CNGB3: variants seen among roughly 807,000 people sequenced by gnomAD.
CNGB3 encodes cyclic nucleotide-gated channel beta-3.
In CNGB3, 86 loss-of-function variants were observed where a neutral mutation model predicts 92.8. The ratio of observed to expected loss-of-function variants is 0.93; its 90% CI spans 0.78 to 1.11. The LOEUF (loss-of-function observed/expected upper bound fraction) is 1.11, where lower values mean the gene tolerates loss of function less well. CNGB3 is among the 50% of genes least tolerant of loss of function. The pLI is 0.00. For synonymous variants in CNGB3, 333 were observed against 332.7 expected, an observed-to-expected ratio of 1.00 and a Z score of -0.01; for missense variants, 1,026 against 956.8, an observed-to-expected ratio of 1.07 and a Z score of -0.95.
chr8:86,660,137 G>A (rs1476483165), intron 6 of CNGB3: 5 of 305,132 alleles, frequency 1.6e-5, no homozygotes, highest in Non-Finnish European at 3.4e-5. Flanking sequence ...CAGGTGAATG[G>A]CAACCACCAG....
At chr8:86,579,480 G>A (rs1821720741) in intron 15 of CNGB3, among the ~76,000 whole-genome samples, 2 of 152,102 alleles carry the variant, frequency 1.3e-5, no homozygotes, top group Admixed American at 1.3e-4. Flanking sequence ...ACAAATCAAG[G>A]ACTTGTGGCT....
rs147971392 is a variant in CNGB3, at chr8:86,726,816, A to G, written c.212-159T>C. Among the ~76,000 whole-genome samples the G allele has an allele frequency of 4.7e-3, 713 of 152,350 alleles. 7 individuals carry two copies. Among genetic ancestry groups the G allele is most frequent in the African/African-American group, 0.016 (676 of 41,574 alleles). On this transcript the variant is annotated intron_variant, in intron 2 of 17. Transcript: ENST00000320005. Reference sequence around the variant, plus strand: ...TGCTAAACAAAGTAGGACTTTATGCAGGAAGAATTAACTGGTAGACACCTT... The same window carrying G: ...TGCTAAACAAAGTAGGACTTTATGCGGGAAGAATTAACTGGTAGACACCTT...
chr8:86,657,376 G>A (rs975687570), intron 6 of CNGB3: 8 of 452,744 alleles, frequency 1.8e-5, no homozygotes, highest in Admixed American at 1.2e-4. Context: ...GACAGTGGCC[G>A]GCTTTTAGAT....
At chr8:86,616,695 A>G (rs12678442) in intron 13 of CNGB3, among the ~76,000 whole-genome samples, 31,002 of 152,016 alleles carry the variant, frequency 0.2, 3,491 homozygotes, top group East Asian at 0.33. Context: ...CATAATATTT[A>G]TACTATGTTT....
chr8:86,610,288 C>G (rs202106233), intron 14 of CNGB3, among the ~76,000 whole-genome samples: 3 of 152,136 alleles, frequency 2.0e-5, no homozygotes, highest in East Asian at 3.9e-4. Flanking sequence ...TCCACTGTTT[C>G]TGGCTCATCA....
In CNGB3 at chr8:86,579,274, CTT is replaced by C. The variant is rs769619789; in HGVS notation, c.1782-24_1782-23del. On this transcript the variant is annotated intron_variant, in intron 15 of 17. Coordinates refer to ENST00000320005, the MANE Select transcript of CNGB3 (RefSeq NM_019098.5). ...AAGGCTGTAAGAGAGAAAAATGAGT[CTT>C]TGCCACCAGTTTCAGTTTTCCTCCA... is the stretch of plus-strand genomic sequence containing the variant. 7 of 1,613,040 alleles carry C rather than the reference CTT, an allele frequency of 4.3e-6. No homozygotes were observed. In the African/African-American group the frequency reaches 9.3e-5, roughly 22 times the overall value.
intron 9 of CNGB3, among the ~76,000 whole-genome samples, chr8:86,644,344 T>A (rs141545368): frequency 1.2e-3 from 185 of 151,540 alleles, no homozygotes; most frequent in African/African-American, 4.3e-3. Context: ...TAAAGTTAAC[T>A]TGCAAAAGAG....
intron 6 of CNGB3, chr8:86,658,409 C>T (rs1475933080): frequency 7.0e-6 from 3 of 426,198 alleles, no homozygotes; most frequent in Admixed American, 3.0e-5. Flanking sequence ...GTGGCTGCTA[C>T]TTCTGCTGGC....
At chr8:86,589,398 T>A (rs1267215119) in intron 15 of CNGB3, among the ~76,000 whole-genome samples, 2 of 150,640 alleles carry the variant, frequency 1.3e-5, no homozygotes, top group African/African-American at 4.9e-5. Context: ...ATGTGTTTGC[T>A]CTTGCTTCTC....
intron 3 of CNGB3, among the ~76,000 whole-genome samples, chr8:86,723,539 A>AC (rs1193115395): frequency 1.3e-5 from 2 of 152,122 alleles, no homozygotes; most frequent in African/African-American, 4.8e-5. Flanking sequence ...ATGTATAAAA[A>AC]CTCTGTCCCT....
intron 6 of CNGB3, chr8:86,657,368 C>T (rs984631314): frequency 2.2e-6 from 1 of 449,156 alleles, no homozygotes; most frequent in Non-Finnish European, 4.5e-6. Context: ...GCTTTGCTGA[C>T]AGTGGCCGGC....
At chr8:86,742,454 C>G (rs976887409) in intron 1 of CNGB3, among the ~76,000 whole-genome samples, 2 of 152,140 alleles carry the variant, frequency 1.3e-5, no homozygotes, top group African/African-American at 4.8e-5. Flanking sequence ...AAAAGGAAGG[C>G]AGATTTTCCA....
At chr8:86,600,202 T>A (rs1822262178) in intron 15 of CNGB3, among the ~76,000 whole-genome samples, 1 of 152,220 alleles carries the variant, frequency 6.6e-6, no homozygotes, top group South Asian at 2.1e-4. Flanking sequence ...AAGGATGCAC[T>A]GGTCCTTGTG....
chr8:86,579,371 G>A (rs1821719098), intron 15 of CNGB3, 119 bp from the exon 16 acceptor site: 1 of 1,185,470 alleles, frequency 8.4e-7, no homozygotes, highest in Non-Finnish European at 1.2e-6. Context: ...TTCCCTAGAG[G>A]TGAGGGTCCA....
intron 7 of CNGB3, among the ~76,000 whole-genome samples, chr8:86,649,276 A>G (rs556737925): frequency 4.4e-4 from 67 of 151,778 alleles, no homozygotes; most frequent in African/African-American, 1.6e-3. Flanking sequence ...TGCAATTCCC[A>G]TCAAAATACC....
chr8:86,742,267 A>G (rs1050476792), intron 1 of CNGB3, among the ~76,000 whole-genome samples: 1 of 152,240 alleles, frequency 6.6e-6, no homozygotes, highest in Admixed American at 6.5e-5. Flanking sequence ...TAGCTGAAGG[A>G]AAGTACCAGC....
At position 86,604,113 on chromosome 8, in the gene CNGB3, C is replaced by T. The variant is rs372717913; in HGVS notation, c.1761G>A (p.Gly587=). 8.1e-6 allele frequency: 13 copies of T among 1,612,370 alleles called. No homozygotes were observed. The highest frequency in any genetic ancestry group is 1.0e-5 in the Non-Finnish European group (12 of 1,178,452). Residue 587 remains glycine, a synonymous_variant, in exon 15 of 18, where the codon GGG becomes GGA. Coordinates refer to ENST00000320005, the MANE Select transcript of CNGB3 (RefSeq NM_019098.5). ...GATACCTGATTTCTCCAAACACCGACCCAGCTTTCAGAGTAACCAGAACTT... is the reference window on the plus strand; with the variant it reads ...GATACCTGATTTCTCCAAACACCGATCCAGCTTTCAGAGTAACCAGAACTT... The part of the protein sequence containing the change: ...GTKVLVTLKA[G]SVFGEISLLA...
rs368628915 is a variant in CNGB3 at position 86,600,381 on chromosome 8, A to G, written c.1781+3712T>C. On this transcript the variant is annotated intron_variant, in intron 15 of 17. Transcript: ENST00000320005. ...ACTGTGCCTGGCAAAGAAGGAATAC[A>G]TGGCCTTCTTTGAGTCACTTTCACA... 5.3e-5 allele frequency among the ~76,000 whole-genome samples: 8 copies of G among 152,300 alleles called. No individual in the cohort carries two copies. The East Asian group carries it at 1.4e-3, about 26-fold the overall frequency.
At chr8:86,619,670 A>G (rs1822687600) in intron 13 of CNGB3, among the ~76,000 whole-genome samples, 1 of 148,546 alleles carries the variant, frequency 6.7e-6, no homozygotes, top group Non-Finnish European at 1.5e-5. Flanking sequence ...GTAGGTATCT[A>G]TCTAATGTGC....
Sources: gnomAD v4.1 joint callset for allele counts (sites outside exome capture counted in the v4.1 genomes callset) on GRCh38, gnomAD v4.1.1 for gene constraint, MANE v1.5 for transcripts, NCBI Gene and HGNC (gene_info 2026-07-23, HGNC 2026-07-21) for gene names.